GABRA1: variants seen among roughly 807,000 people sequenced by gnomAD.
GABRA1 encodes the protein gamma-aminobutyric acid type A receptor subunit alpha1, also known as gamma-aminobutyric acid receptor subunit alpha-1.
A neutral mutation model predicts 48.9 loss-of-function variants in GABRA1; 9 were observed. The ratio of observed to expected loss-of-function variants is 0.18; its 90% confidence interval spans 0.11 to 0.32. GABRA1 has a LOEUF of 0.32. Among genes scored for constraint, GABRA1 ranks in the 10% least tolerant of loss-of-function variants. The pLI is 1.00. For synonymous variants in GABRA1, 210 were observed against 198.7 expected (o/e 1.06, Z -0.48); for missense variants, 285 against 553.8 (o/e 0.51, Z 4.87).
At chr5:161,880,387 C>A (rs1581204976) in intron 6 of GABRA1, among the ~76,000 whole-genome samples, 1 of 152,136 alleles carries the variant, frequency 6.6e-6, no homozygotes, top group Non-Finnish European at 1.5e-5. Context: ...GGGTCCTTCT[C>A]AAACTAGTGT....
At position 161,888,546 on chromosome 5, in the gene GABRA1, T is replaced by C. The variant is rs1048966117; in HGVS notation, c.704-2352T>C. Among the ~76,000 whole-genome samples the C allele has an allele frequency of 1.8e-4, 28 of 152,094 alleles. 1 individual carries two copies. Among genetic ancestry groups the C allele is most frequent in the African/African-American group, 6.3e-4 (26 of 41,458 alleles). ...TTGAGAACAACAAAAGATAATGGAATGTATACAGACACTCATTTTTCTGAC... is the reference window on the plus strand; with the variant it reads ...TTGAGAACAACAAAAGATAATGGAACGTATACAGACACTCATTTTTCTGAC... On this transcript the variant is annotated intron_variant, in intron 7 of 9. Transcript: ENST00000393943.
At chr5:161,848,985 A>G (rs1397330665) in intron 1 of GABRA1, 3 of 455,430 alleles carry the variant, frequency 6.6e-6, no homozygotes. Context: ...GGTCTCTCCC[A>G]TTCTGAACAC....
Position 161,882,468 on chromosome 5 carries a change from T to C in GABRA1, c.560-90T>C, listed in dbSNP as rs1243213357. ...TAGCCTGCCCTCTGGAACCATGATA[T>C]AGAAAATATGAAGCTGATGAAAGGT... On this transcript the variant is annotated intron_variant, in intron 6 of 9. Coordinates refer to ENST00000393943, the MANE Select transcript of GABRA1 (RefSeq NM_001127644.2). 3 of 1,239,802 alleles carry C rather than the reference T, an allele frequency of 2.4e-6. No individual in the cohort carries two copies. In the African/African-American group the frequency reaches 4.5e-5, roughly 18 times the overall value. 76.8% of individuals were successfully genotyped at this position (1,239,802 alleles called of 1,614,324 possible). A position where few individuals can be genotyped will look rare whatever the true frequency, so the allele number is the denominator to read the frequency against.
intron 1 of GABRA1, 70 bp downstream of exon 1, chr5:161,848,492 G>A (rs542172070): frequency 5.2e-5 from 7 of 134,424 alleles, no homozygotes; most frequent in African/African-American, 2.1e-4. Context: ...TGGAGAGACA[G>A]GAATGTTATA....
intron 7 of GABRA1, among the ~76,000 whole-genome samples, chr5:161,883,944 T>C (rs993672697): frequency 2.0e-5 from 3 of 152,044 alleles, no homozygotes; most frequent in Non-Finnish European, 2.9e-5. Context: ...AGTGGCATAG[T>C]GGAAAGGTCA....
intron 1 of GABRA1, chr5:161,849,150 A>G (rs748110460): frequency 6.0e-5 from 17 of 282,306 alleles, no homozygotes; most frequent in Non-Finnish European, 1.2e-4. Flanking sequence ...AAACTTTCTT[A>G]ACAACTGAAG....
At chr5:161,869,886 T>A (rs1754032702) in intron 4 of GABRA1, among the ~76,000 whole-genome samples, 2 of 152,198 alleles carry the variant, frequency 1.3e-5, no homozygotes, top group South Asian at 4.1e-4. Context: ...TTAGTTAACT[T>A]GGTTTCGGCC....
chr5:161,887,644 T>G (rs528336767), intron 7 of GABRA1, among the ~76,000 whole-genome samples: 3 of 152,198 alleles, frequency 2.0e-5, no homozygotes, highest in Non-Finnish European at 4.4e-5. Context: ...AATATTAGTA[T>G]CCATAGAAAA....
At chr5:161,867,863 T>C (rs545968136) in intron 4 of GABRA1, among the ~76,000 whole-genome samples, 1 of 152,246 alleles carries the variant, frequency 6.6e-6, no homozygotes, top group East Asian at 1.9e-4. Flanking sequence ...TTCGGCCACA[T>C]ATATAGCACT....
chr5:161,883,679 G>A (rs577102898), intron 7 of GABRA1, among the ~76,000 whole-genome samples: 2 of 151,968 alleles, frequency 1.3e-5, no homozygotes, highest in Non-Finnish European at 2.9e-5. Flanking sequence ...CGATTTAGTA[G>A]TAAATAAGAG....
At chr5:161,857,127 G>A (rs753008912) in intron 3 of GABRA1, among the ~76,000 whole-genome samples, 2 of 151,252 alleles carry the variant, frequency 1.3e-5, no homozygotes, top group Non-Finnish European at 3.0e-5. Flanking sequence ...GCTTCTAAGG[G>A]AGTAAAAGTT....
At chr5:161,872,795 A>G (rs981507955) in intron 4 of GABRA1, among the ~76,000 whole-genome samples, 6 of 152,096 alleles carry the variant, frequency 3.9e-5, no homozygotes, top group African/African-American at 1.4e-4. Flanking sequence ...ATTGTGATAT[A>G]TTCTATTTCT....
intron 9 of GABRA1, among the ~76,000 whole-genome samples, chr5:161,896,290 C>T (rs1755365483): frequency 6.6e-6 from 1 of 152,096 alleles, no homozygotes; most frequent in Non-Finnish European, 1.5e-5. Flanking sequence ...AATGTATAAC[C>T]ATAATGCCTC....
intron 8 of GABRA1, among the ~76,000 whole-genome samples, chr5:161,891,502 T>G (rs906007591): frequency 1.2e-4 from 19 of 152,300 alleles, no homozygotes; most frequent in Non-Finnish European, 2.6e-4. Flanking sequence ...ACCATATCAC[T>G]ACAGGAATAA....
chr5:161,891,558 A>AT (rs1000823199), intron 8 of GABRA1, among the ~76,000 whole-genome samples: 2 of 152,074 alleles, frequency 1.3e-5, no homozygotes, highest in South Asian at 2.1e-4. Flanking sequence ...ACATGCATTC[A>AT]TTTTTTCTAT....
chr5:161,850,348 C>A, intron 1 of GABRA1: 2 of 337,504 alleles, frequency 5.9e-6, no homozygotes, highest in Non-Finnish European at 5.3e-6. Context: ...AACCTATCCC[C>A]TCCAATCCCT....
rs1446125411 is a variant in GABRA1, at chr5:161,899,505, G to T, written c.*2083G>T. ...CCAGACTTCTCATGGCTAACTTTTG[G>T]TCTGTATTTTGCTCCTTAGATGTGA... On this transcript the variant is annotated 3_prime_UTR_variant, in exon 10 of 10. Transcript: ENST00000393943. 1 of 152,058 alleles carries T rather than the reference G, an allele frequency of 6.6e-6. No individual in the cohort carries two copies. Among genetic ancestry groups the T allele is most frequent in the East Asian group, 1.9e-4 (1 of 5,190 alleles). The allele number at this position is 152,058 out of a possible 1,614,324, so 9.4% of individuals were successfully genotyped here.
intron 3 of GABRA1, among the ~76,000 whole-genome samples, chr5:161,855,723 CAGGCT>C (rs1757620973): frequency 6.6e-6 from 1 of 151,092 alleles, no homozygotes; most frequent in African/African-American, 2.4e-5. Flanking sequence ...AAGAAATAGC[CAGGCT>C]AGTGATATAA....
chr5:161,881,685 A>T (rs528120880), intron 6 of GABRA1: 1 of 152,202 alleles, frequency 6.6e-6, no homozygotes, highest in East Asian at 1.9e-4. Flanking sequence ...TTTGGACCAA[A>T]GCTACTGCCT....
Sources: allele counts gnomAD v4.1 joint callset (sites outside exome capture counted in the v4.1 genomes callset), GRCh38; gene constraint gnomAD v4.1.1; transcripts MANE v1.5; gene names NCBI Gene and HGNC (gene_info 2026-07-23, HGNC 2026-07-21).